LY96: variants seen among roughly 807,000 people sequenced by gnomAD.
LY96 encodes myeloid differentiation protein-2.
LY96 carries 18 observed loss-of-function variants against 18.9 expected under a neutral mutation model. The ratio of observed to expected loss-of-function variants is 0.95; its 90% CI spans 0.66 to 1.41. The LOEUF (loss-of-function observed/expected upper bound fraction) is 1.41, where lower values mean the gene tolerates loss of function less well. Among genes scored for constraint, LY96 ranks in the 40% most tolerant of loss-of-function variants. The pLI is 0.00. For missense variants in LY96, 175 were observed against 182.4 expected (o/e 0.96, Z 0.23); for synonymous variants, 66 against 62.6 (o/e 1.06, Z -0.26).
intron 1 of LY96, among the ~76,000 whole-genome samples, chr8:73,992,096 T>C (rs1402843441): frequency 6.6e-6 from 1 of 152,188 alleles, no homozygotes; most frequent in Non-Finnish European, 1.5e-5. Flanking sequence ...GTCTACTTGA[T>C]AAGGGTGTTG....
chr8:74,072,703 A>G, the LY96 span, among the ~76,000 whole-genome samples: 105 of 150,270 alleles, frequency 7.0e-4, no homozygotes, highest in Admixed American at 1.3e-3. Flanking sequence ...TAACCTATGA[A>G]ACATATAAGC....
intron 1 of LY96, among the ~76,000 whole-genome samples, chr8:73,998,473 C>T (rs1816195895): frequency 6.6e-6 from 1 of 151,404 alleles, no homozygotes; most frequent in Non-Finnish European, 1.5e-5. Flanking sequence ...GCCAGGAGTT[C>T]AAGACCAGCC....
At chr8:74,031,490 G>A (rs540697869), downstream of LY96, among the ~76,000 whole-genome samples, 2 of 152,000 alleles carry the variant, frequency 1.3e-5, no homozygotes, top group African/African-American at 4.8e-5. Flanking sequence ...GCCGGGTGTG[G>A]TGGCGGGCAC....
chr8:73,992,836 C>CTGTCTGTG (rs1458068284), intron 1 of LY96, among the ~76,000 whole-genome samples: 1 of 141,782 alleles, frequency 7.1e-6, no homozygotes, highest in African/African-American at 2.7e-5. Context: ...AATTATGCCA[C>CTGTCTGTG]TGTGTGTGTG....
the LY96 span, among the ~76,000 whole-genome samples, chr8:74,070,216 T>G: frequency 6.6e-6 from 1 of 152,018 alleles, no homozygotes; most frequent in Admixed American, 6.6e-5. Flanking sequence ...CTCAGCCTCC[T>G]GAGTAGCTGG....
At chr8:73,996,372 C>CCTTCCTTCCTTCCTTCATTTCTTT (rs1816135382) in intron 1 of LY96, among the ~76,000 whole-genome samples, 1 of 110,910 alleles carries the variant, frequency 9.0e-6, no homozygotes, top group Non-Finnish European at 1.9e-5. Flanking sequence ...TTCCTTCATT[C>CCTTCCTTCCTTCCTTCATTTCTTT]CTTTCTTTCT....
chr8:74,038,807 T>A, the LY96 span, among the ~76,000 whole-genome samples: 1 of 152,370 alleles, frequency 6.6e-6, no homozygotes, highest in Non-Finnish European at 1.5e-5. Flanking sequence ...CTATTGTGAA[T>A]AGTGCTGCAA....
the LY96 span, among the ~76,000 whole-genome samples, chr8:74,041,948 T>A: frequency 2.6e-5 from 4 of 152,122 alleles, no homozygotes. Context: ...CCTTTTGAAA[T>A]CCTTAATAAA....
chr8:74,047,887 T>A, the LY96 span, among the ~76,000 whole-genome samples: 1 of 152,120 alleles, frequency 6.6e-6, no homozygotes, highest in South Asian at 2.1e-4. Context: ...TTATTTTATT[T>A]TATTTTATTT....
At chr8:74,060,077 G>A in the LY96 span, among the ~76,000 whole-genome samples, 1 of 152,216 alleles carries the variant, frequency 6.6e-6, no homozygotes, top group Non-Finnish European at 1.5e-5. Context: ...AGCCCAGGAG[G>A]CAGAGGTTGC....
intron 3 of LY96, among the ~76,000 whole-genome samples, chr8:74,012,492 A>G (rs1476788017): frequency 6.6e-6 from 1 of 152,204 alleles, no homozygotes; most frequent in Non-Finnish European, 1.5e-5. Flanking sequence ...ATGTGTACAC[A>G]TGTACTACAG....
At chr8:74,039,671 A>G in the LY96 span, among the ~76,000 whole-genome samples, 1 of 152,206 alleles carries the variant, frequency 6.6e-6, no homozygotes, top group Non-Finnish European at 1.5e-5. Context: ...AGGTAGCCGA[A>G]GCAGAGATAG....
At chr8:74,015,357 A>G (rs1412268279) in intron 3 of LY96, among the ~76,000 whole-genome samples, 1 of 152,198 alleles carries the variant, frequency 6.6e-6, no homozygotes, top group East Asian at 1.9e-4. Flanking sequence ...TAACGAGGCC[A>G]TGCTCCCTCT....
At chr8:74,088,759 T>C in the LY96 span, among the ~76,000 whole-genome samples, 1 of 152,142 alleles carries the variant, frequency 6.6e-6, no homozygotes, top group Non-Finnish European at 1.5e-5. Context: ...TTAATTTTTG[T>C]ATTTTTAGTA....
chr8:74,078,418 G>T, the LY96 span, among the ~76,000 whole-genome samples: 1 of 152,160 alleles, frequency 6.6e-6, no homozygotes, highest in Non-Finnish European at 1.5e-5. Flanking sequence ...ACAGTGTCAG[G>T]TCCTTTACAT....
intron 4 of LY96, 42 bp downstream of exon 4, chr8:74,026,883 G>A: frequency 7.2e-6 from 7 of 974,064 alleles, no homozygotes; most frequent in Non-Finnish European, 6.6e-6. Context: ...ACCTTTAGCA[G>A]TAATAGACAT....
the LY96 span, among the ~76,000 whole-genome samples, chr8:74,068,149 G>C: frequency 6.8e-6 from 1 of 147,064 alleles, no homozygotes; most frequent in South Asian, 2.1e-4. Context: ...TTTCCAGTGA[G>C]CATCTGCCAA....
chr8:73,994,290 C>T (rs574771318), intron 1 of LY96, among the ~76,000 whole-genome samples: 2 of 152,278 alleles, frequency 1.3e-5, no homozygotes, highest in East Asian at 3.9e-4. Flanking sequence ...TGCTTGTTGC[C>T]ATCCCCACTG....
chr8:74,029,520 C>A (rs190189463), downstream of LY96, among the ~76,000 whole-genome samples: 2 of 152,170 alleles, frequency 1.3e-5, no homozygotes, highest in East Asian at 3.9e-4. Context: ...AGGAGCTTTC[C>A]CCACCCACCC....
Sources: allele counts gnomAD v4.1 joint callset (sites outside exome capture counted in the v4.1 genomes callset), GRCh38; gene constraint gnomAD v4.1.1; transcripts MANE v1.5; gene names NCBI Gene and HGNC (gene_info 2026-07-23, HGNC 2026-07-21).